The following PCDH15 variants were observed in gnomAD, a reference collection of about 807,000 sequenced individuals.
PCDH15 encodes protocadherin related 15.
Under a neutral mutation model 178.5 loss-of-function variants are expected in PCDH15, and 129 were observed. The ratio of observed to expected loss-of-function variants is 0.72; its 90% CI spans 0.63 to 0.84. The LOEUF (loss-of-function observed/expected upper bound fraction) is 0.84, where lower values mean the gene tolerates loss of function less well. PCDH15 is among the 40% of genes least tolerant of loss of function. The pLI, the probability that PCDH15 is intolerant of heterozygous loss-of-function variation, is 0.00. For synonymous variants in PCDH15, 800 were observed against 732.0 expected, an observed-to-expected ratio of 1.09 and a Z score of -1.50; for missense variants, 2,230 against 2,099.9, an observed-to-expected ratio of 1.06 and a Z score of -1.21.
At chr10:53,807,192 A>C in intron 37 of PCDH15, 62 bp from the exon 38 acceptor site, 1 of 1,332,346 alleles carries the variant, frequency 7.5e-7, no homozygotes, top group Non-Finnish European at 1.0e-6. Flanking sequence ...CAATGATTAC[A>C]TTGCCTGTGA....
chr10:53,827,964 A>G (rs2076792776), intron 31 of PCDH15, among the ~76,000 whole-genome samples: 1 of 152,102 alleles, frequency 6.6e-6, no homozygotes, highest in African/African-American at 2.4e-5. Context: ...AAATGATTTG[A>G]AACATTTTTG....
intron 23 of PCDH15, among the ~76,000 whole-genome samples, chr10:53,955,121 C>T (rs764895331): frequency 6.6e-6 from 1 of 152,134 alleles, no homozygotes; most frequent in African/African-American, 2.4e-5. Flanking sequence ...ATTCTCACAA[C>T]GTAATGTGAG....
chr10:55,341,870 T>A (rs1261603614), intron 2 of PCDH15, among the ~76,000 whole-genome samples: 1 of 137,984 alleles, frequency 7.2e-6, no homozygotes, highest in Non-Finnish European at 1.5e-5. Context: ...CAGGATGGTA[T>A]CCATCTGACC....
intron 3 of PCDH15, among the ~76,000 whole-genome samples, chr10:54,526,383 T>C (rs1259517963): frequency 6.6e-6 from 1 of 152,230 alleles, no homozygotes; most frequent in Non-Finnish European, 1.5e-5. Flanking sequence ...ATTATGTTTA[T>C]TGAATTTTTA....
intron 1 of PCDH15, among the ~76,000 whole-genome samples, chr10:54,718,493 A>C (rs1287997856): frequency 6.6e-6 from 1 of 152,008 alleles, no homozygotes; most frequent in Non-Finnish European, 1.5e-5. Context: ...GAAAGCACCC[A>C]GAACCAAAGC....
intron 2 of PCDH15, among the ~76,000 whole-genome samples, chr10:55,489,905 C>T (rs1397566173): frequency 6.6e-6 from 1 of 151,488 alleles, no homozygotes; most frequent in Non-Finnish European, 1.5e-5. Flanking sequence ...AGCAAAGGAA[C>T]TTAGAAAGAA....
At chr10:53,943,332 C>T (rs2086235120) in intron 23 of PCDH15, among the ~76,000 whole-genome samples, 1 of 151,746 alleles carries the variant, frequency 6.6e-6, no homozygotes, top group Non-Finnish European at 1.5e-5. Flanking sequence ...AAAAATTAGC[C>T]GGTTGTGGTG....
intron 1 of PCDH15, among the ~76,000 whole-genome samples, chr10:55,209,425 C>T (rs1166448251): frequency 1.3e-5 from 2 of 151,892 alleles, no homozygotes; most frequent in Non-Finnish European, 2.9e-5. Context: ...AGGACAGATA[C>T]AAGGAGACAA....
intron 26 of PCDH15, among the ~76,000 whole-genome samples, chr10:53,899,984 C>T (rs1311104951): frequency 1.4e-5 from 1 of 72,634 alleles, no homozygotes; most frequent in East Asian, 7.9e-4. Context: ...GTTTCCTCTA[C>T]TTAGACTGTG....
chr10:55,076,050 G>T (rs1841877783), intron 2 of PCDH15, among the ~76,000 whole-genome samples: 1 of 152,140 alleles, frequency 6.6e-6, no homozygotes, highest in African/African-American at 2.4e-5. Flanking sequence ...AGTTTCCAAG[G>T]TTTTTCTTGG....
rs189101740 is a variant in PCDH15, at chr10:55,612,363, A to G, written c.-156+15262T>C. ...CAAGAATCCAAGACTCTGAATTTAG[A>G]TTTTTCATTTTCTATTATGCCAAAG... On this transcript the variant is annotated intron_variant, in intron 2 of 5. Transcript: ENST00000613346. Among the ~76,000 whole-genome samples the G allele has an allele frequency of 4.6e-3, 702 of 152,176 alleles. 6 individuals carry two copies. The highest frequency in any genetic ancestry group is 0.016 in the African/African-American group (669 of 41,530).
At chr10:54,291,256 G>C (rs2059385146) in intron 8 of PCDH15, among the ~76,000 whole-genome samples, 1 of 152,092 alleles carries the variant, frequency 6.6e-6, no homozygotes, top group Non-Finnish European at 1.5e-5. Context: ...CAGAAATAAA[G>C]ATGTTCTTTG....
chr10:54,321,722 A>G (rs987842584), intron 7 of PCDH15, among the ~76,000 whole-genome samples: 2 of 151,216 alleles, frequency 1.3e-5, no homozygotes, highest in Non-Finnish European at 2.9e-5. Context: ...ATTTACAGGA[A>G]GTGTATACCA....
chr10:55,471,152 T>C (rs1839947773), intron 2 of PCDH15, among the ~76,000 whole-genome samples: 1 of 152,184 alleles, frequency 6.6e-6, no homozygotes, highest in Admixed American at 6.5e-5. Context: ...GAATATATGT[T>C]TTCAACTCAA....
chr10:54,129,534 T>C (rs2042253791), intron 15 of PCDH15, among the ~76,000 whole-genome samples: 1 of 152,222 alleles, frequency 6.6e-6, no homozygotes, highest in Non-Finnish European at 1.5e-5. Context: ...ATTATTTGTT[T>C]TAAATCACTG....
chr10:55,595,090 T>C (rs554674550), intron 2 of PCDH15, among the ~76,000 whole-genome samples: 1 of 152,212 alleles, frequency 6.6e-6, no homozygotes, highest in African/African-American at 2.4e-5. Context: ...ATGAAAACTA[T>C]ACAAATATAA....
intron 3 of PCDH15, among the ~76,000 whole-genome samples, chr10:54,492,814 A>G (rs1448200392): frequency 6.6e-6 from 1 of 152,162 alleles, no homozygotes; most frequent in Non-Finnish European, 1.5e-5. Flanking sequence ...ATTAAACTTT[A>G]TCCCAGTGTA....
chr10:55,445,374 G>C (rs1290448385), intron 2 of PCDH15, among the ~76,000 whole-genome samples: 1 of 152,016 alleles, frequency 6.6e-6, no homozygotes, highest in Non-Finnish European at 1.5e-5. Context: ...TCTGTTACCA[G>C]AAAATGAAGT....
chr10:53,962,846 T>C (rs2088508665), intron 21 of PCDH15, among the ~76,000 whole-genome samples: 1 of 152,164 alleles, frequency 6.6e-6, no homozygotes, highest in Admixed American at 6.6e-5. Context: ...TTGGTTTCCT[T>C]TGGAACTATG....
Sources: allele counts gnomAD v4.1 joint callset (sites outside exome capture counted in the v4.1 genomes callset), GRCh38; gene constraint gnomAD v4.1.1; transcripts MANE v1.5; gene names NCBI Gene and HGNC (gene_info 2026-07-23, HGNC 2026-07-21).